Variants in HNRNPC observed in about 807,000 individuals in gnomAD.
The protein encoded by HNRNPC is heterogeneous nuclear ribonucleoprotein C, also known as heterogeneous nuclear ribonucleoproteins C1/C2.
HNRNPC carries 3 observed loss-of-function variants against 33.2 expected under a neutral mutation model. That is an observed-to-expected ratio of 0.09 (90% CI 0.04 to 0.23). The LOEUF is 0.23. Ranked by LOEUF, HNRNPC falls within the 10% of genes least tolerant of loss-of-function variation. HNRNPC has a pLI of 1.00. For missense variants in HNRNPC, 143 were observed against 366.7 expected (o/e 0.39, Z 4.98); for synonymous variants, 121 against 126.7 (o/e 0.96, Z 0.30).
intron 5 of HNRNPC, among the ~76,000 whole-genome samples, chr14:21,218,005 G>C (rs1350601730): frequency 6.6e-6 from 1 of 151,986 alleles, no homozygotes; most frequent in Non-Finnish European, 1.5e-5. Context: ...CATCAATTCT[G>C]AAACTTGACT....
chr14:21,251,021 GGAGGCC>G (rs1896591125), intron 2 of HNRNPC, among the ~76,000 whole-genome samples: 1 of 152,150 alleles, frequency 6.6e-6, no homozygotes. Context: ...CAGCACTCTG[GGAGGCC>G]GAGGCGGGTA....
intron 2 of HNRNPC, among the ~76,000 whole-genome samples, chr14:21,253,565 A>G (rs566580818): frequency 6.6e-6 from 1 of 151,994 alleles, no homozygotes; most frequent in Non-Finnish European, 1.5e-5. Flanking sequence ...TATAGACAAC[A>G]TTGTATCAAT....
At chr14:21,259,882 C>CAAAAAAA (rs5807071) in intron 2 of HNRNPC, among the ~76,000 whole-genome samples, 1 of 132,874 alleles carries the variant, frequency 7.5e-6, no homozygotes, top group Admixed American at 7.7e-5. Flanking sequence ...CTGTCTCCAC[C>CAAAAAAA]AAAAAAAAAA....
At chr14:21,226,401 C>G (rs2139590458) in intron 5 of HNRNPC, among the ~76,000 whole-genome samples, 1 of 151,698 alleles carries the variant, frequency 6.6e-6, no homozygotes, top group East Asian at 1.9e-4. Flanking sequence ...CATGTATATG[C>G]CAGCCTACCT....
chr14:21,251,158 G>A (rs752487091), intron 2 of HNRNPC, among the ~76,000 whole-genome samples: 28 of 149,704 alleles, frequency 1.9e-4, no homozygotes, highest in Admixed American at 1.3e-3. Flanking sequence ...CTACTCGGGA[G>A]GCTAAGGCAG....
chr14:21,245,654 C>T (rs1200566299), intron 2 of HNRNPC, among the ~76,000 whole-genome samples: 1 of 152,092 alleles, frequency 6.6e-6, no homozygotes, highest in Non-Finnish European at 1.5e-5. Context: ...ACTTTATAAA[C>T]ATGGTACACT....
chr14:21,233,875 CAGACAT>C, intron 3 of HNRNPC, 72 bp downstream of exon 3: 1 of 1,532,116 alleles, frequency 6.5e-7, no homozygotes, highest in Non-Finnish European at 8.8e-7. Flanking sequence ...GTCAGTTTTA[CAGACAT>C]AAAGACAAAA....
intron 1 of HNRNPC, among the ~76,000 whole-genome samples, chr14:21,266,012 T>C (rs1878915727): frequency 6.6e-6 from 1 of 152,220 alleles, no homozygotes; most frequent in South Asian, 2.1e-4. Context: ...GCAATCTGTT[T>C]TAACTAGCCC....
At chr14:21,260,331 A>G (rs1594332061) in intron 2 of HNRNPC, among the ~76,000 whole-genome samples, 1 of 148,250 alleles carries the variant, frequency 6.7e-6, no homozygotes, top group African/African-American at 2.5e-5. Context: ...ACACCACTGC[A>G]CTCCAGTCTA....
intron 5 of HNRNPC, among the ~76,000 whole-genome samples, chr14:21,228,162 T>TC (rs1163165855): frequency 6.6e-6 from 1 of 152,220 alleles, no homozygotes; most frequent in Non-Finnish European, 1.5e-5. Flanking sequence ...TCAGACAAAC[T>TC]CACTGGGTTT....
chr14:21,252,275 G>T (rs1896754537), intron 2 of HNRNPC, among the ~76,000 whole-genome samples: 2 of 152,130 alleles, frequency 1.3e-5, no homozygotes, highest in South Asian at 4.2e-4. Context: ...TCAGTTCTCA[G>T]GGTAGTACTT....
At chr14:21,257,918 G>GT (rs1463754341) in intron 2 of HNRNPC, among the ~76,000 whole-genome samples, 44 of 152,144 alleles carry the variant, frequency 2.9e-4, no homozygotes, top group African/African-American at 1.0e-3. Flanking sequence ...CACAACCATG[G>GT]TAACATTTTA....
At chr14:21,236,974 A>G (rs973751776) in intron 2 of HNRNPC, among the ~76,000 whole-genome samples, 1 of 152,234 alleles carries the variant, frequency 6.6e-6, no homozygotes, top group Non-Finnish European at 1.5e-5. Flanking sequence ...TTGGAGAATA[A>G]TAGACTTAGA....
At chr14:21,244,033 T>G (rs1223837641) in intron 2 of HNRNPC, among the ~76,000 whole-genome samples, 1 of 141,270 alleles carries the variant, frequency 7.1e-6, no homozygotes, top group African/African-American at 3.0e-5. Flanking sequence ...TCCTCCAAGT[T>G]TTTTTTTTTT....
Position 21,256,786 on chromosome 14 carries a change from G to C in HNRNPC, c.-37+6525C>G, listed in dbSNP as rs115888338. Among the ~76,000 whole-genome samples the C allele has an allele frequency of 8.2e-3, 1,251 of 152,044 alleles. 20 individuals carry two copies. Among genetic ancestry groups the C allele is most frequent in the African/African-American group, 0.029 (1,195 of 41,470 alleles). ...TCTCATGCCTGTCTCTCAAGTAGCT[G>C]GGACTACAGACACTTGCCACCACTC... On this transcript the variant is annotated intron_variant, in intron 2 of 8. Transcript: ENST00000553300.
intron 2 of HNRNPC, among the ~76,000 whole-genome samples, chr14:21,237,347 G>A (rs950616712): frequency 1.3e-5 from 2 of 152,170 alleles, no homozygotes; most frequent in Non-Finnish European, 2.9e-5. Context: ...ATTTTTGTAG[G>A]TAAGTTCCGC....
At position 21,222,877 on chromosome 14, in the gene HNRNPC, G is replaced by C. The variant is rs978544240; in HGVS notation, c.365+7442C>G. Among the ~76,000 whole-genome samples the C allele has an allele frequency of 6.6e-5, 10 of 151,996 alleles. 1 individual carries two copies. Among genetic ancestry groups the C allele is most frequent in the African/African-American group, 2.4e-4 (10 of 41,340 alleles). On this transcript the variant is annotated intron_variant, in intron 5 of 8. Transcript: ENST00000553300. ...CCACTGCACTCCAGCCTGGGCGACA[G>C]AGGGAGACTCCGTCTCAAAAAAAAA... is the stretch of plus-strand genomic sequence containing the variant.
chr14:21,264,995 CAGAG>C, intron 1 of HNRNPC: 1 of 152,016 alleles, frequency 6.6e-6, no homozygotes, highest in Non-Finnish European at 1.5e-5. Flanking sequence ...TCAGCCAGGC[CAGAG>C]AGAGACCCTG....
intron 3 of HNRNPC, chr14:21,231,281 G>A (rs1483477624): frequency 9.1e-6 from 6 of 660,574 alleles, no homozygotes; most frequent in Non-Finnish European, 1.7e-5. Flanking sequence ...CTACAGGCGG[G>A]CACCACCATG....
Sources: gnomAD v4.1 joint callset for allele counts (sites outside exome capture counted in the v4.1 genomes callset) on GRCh38, gnomAD v4.1.1 for gene constraint, MANE v1.5 for transcripts, NCBI Gene and HGNC (gene_info 2026-07-23, HGNC 2026-07-21) for gene names.